UNC13C: variants seen among roughly 807,000 people sequenced by gnomAD.
The protein encoded by UNC13C is protein unc-13 homolog C.
Under a neutral mutation model 245.4 loss-of-function variants are expected in UNC13C, and 174 were observed. That is an observed-to-expected ratio of 0.71 (90% confidence interval 0.63 to 0.80). UNC13C has a LOEUF of 0.80. Ranked by LOEUF, UNC13C falls within the 30% of genes least tolerant of loss-of-function variation. The pLI, the probability that UNC13C is intolerant of heterozygous loss-of-function variation, is 0.00. For missense variants in UNC13C, 2,829 were observed against 2,602.9 expected (o/e 1.09, Z -1.89); for synonymous variants, 992 against 895.1 (o/e 1.11, Z -1.93).
At chr15:54,629,442 T>TAA (rs959755695), downstream of UNC13C, 8 of 152,066 alleles carry the variant, frequency 5.3e-5, no homozygotes, top group African/African-American at 1.9e-4. Context: ...TAAAAGTTTT[T>TAA]AAAAAAAAGT....
intron 2 of UNC13C, among the ~76,000 whole-genome samples, chr15:54,128,296 C>G (rs368741617): frequency 6.6e-6 from 1 of 152,204 alleles, no homozygotes; most frequent in African/African-American, 2.4e-5. Flanking sequence ...TCTATGCTCA[C>G]AGATTGGAAG....
At chr15:54,010,766 C>T (rs1595709196) in intron 1 of UNC13C, among the ~76,000 whole-genome samples, 1 of 152,092 alleles carries the variant, frequency 6.6e-6, no homozygotes, top group East Asian at 1.9e-4. Flanking sequence ...TGAGAAATGA[C>T]AGTGTTCCTT....
chr15:54,050,126 C>A (rs974238683), intron 2 of UNC13C: 8 of 343,750 alleles, frequency 2.3e-5, no homozygotes, highest in Non-Finnish European at 4.0e-5. Context: ...CCCGCCACCA[C>A]GCCCGGCTAT....
chr15:54,551,702 T>A (rs1303484631), intron 28 of UNC13C, among the ~76,000 whole-genome samples: 1 of 152,112 alleles, frequency 6.6e-6, no homozygotes, highest in African/African-American at 2.4e-5. Flanking sequence ...ATAGTCTTTG[T>A]GTCTATTGAT....
intron 19 of UNC13C, among the ~76,000 whole-genome samples, chr15:54,467,175 G>A (rs771099333): frequency 6.6e-5 from 10 of 151,746 alleles, no homozygotes; most frequent in South Asian, 2.1e-4. Flanking sequence ...TGGTTCCTTC[G>A]TTCATGGGGC....
At chr15:54,068,870 C>A (rs974809669) in intron 2 of UNC13C, among the ~76,000 whole-genome samples, 5 of 152,118 alleles carry the variant, frequency 3.3e-5, no homozygotes, top group African/African-American at 1.2e-4. Context: ...GTAATATTGA[C>A]AGGTCACCGT....
chr15:54,152,434 C>T (rs28522138), intron 4 of UNC13C, among the ~76,000 whole-genome samples: 2,712 of 152,230 alleles, frequency 0.018, 82 homozygotes, highest in African/African-American at 0.063. Context: ...TACATTTCAG[C>T]TCTTTATATA....
At chr15:54,217,350 G>A (rs1438434535) in intron 4 of UNC13C, among the ~76,000 whole-genome samples, 1 of 151,932 alleles carries the variant, frequency 6.6e-6, no homozygotes, top group African/African-American at 2.4e-5. Context: ...CCAAGGATCA[G>A]TAGAGGAAAG....
Position 54,627,762 on chromosome 15 carries a change from A to AACTT in UNC13C, c.*650_*653dup, listed in dbSNP as rs1312545966. 1 of 152,594 alleles carries AACTT rather than the reference A, an allele frequency of 6.6e-6. No individual in the cohort carries two copies. The highest frequency in any genetic ancestry group is 1.5e-5 in the Non-Finnish European group (1 of 68,018). 9.5% of individuals were successfully genotyped at this position (152,594 alleles called of 1,614,324 possible). A position where few individuals can be genotyped will look rare whatever the true frequency, so the allele number is the denominator to read the frequency against. ...AACAATGTTTGATATATATTGACAA[A>AACTT]ACTTTGTTCTCTAAAACTGCCAAGA... is the stretch of plus-strand genomic sequence containing the variant. On this transcript the variant is annotated 3_prime_UTR_variant, in exon 33 of 33. Transcript: ENST00000260323.
chr15:54,141,933 A>G lies in UNC13C; in HGVS notation c.2984-1085A>G, dbSNP rs532731520. ...TTTCAGATTTTCATCTGTAAGGGTC[A>G]TCATTGAGCTACATGACCTTGGACA... On this transcript the variant is annotated intron_variant, in intron 2 of 32. Transcript: ENST00000260323. Among the ~76,000 whole-genome samples the G allele has an allele frequency of 4.7e-4, 72 of 152,274 alleles. 1 individual carries two copies. Among genetic ancestry groups the G allele is most frequent in the African/African-American group, 1.7e-3 (71 of 41,572 alleles).
At chr15:53,965,672 C>T in the UNC13C span, among the ~76,000 whole-genome samples, 8 of 151,798 alleles carry the variant, frequency 5.3e-5, no homozygotes. Context: ...CCCACTAACT[C>T]GTCATCTAGC....
chr15:54,438,619 T>A (rs940605406), intron 19 of UNC13C, among the ~76,000 whole-genome samples: 1 of 151,974 alleles, frequency 6.6e-6, no homozygotes, highest in Admixed American at 6.6e-5. Context: ...ATTTCTCTAA[T>A]TTGTTATCTA....
chr15:54,469,920 G>A (rs1043942005), intron 19 of UNC13C, among the ~76,000 whole-genome samples: 4 of 151,398 alleles, frequency 2.6e-5, no homozygotes, highest in African/African-American at 9.7e-5. Flanking sequence ...ACTCTATTGA[G>A]GAATATTCCT....
chr15:54,387,544 G>C (rs926233992), intron 17 of UNC13C, among the ~76,000 whole-genome samples: 2 of 151,992 alleles, frequency 1.3e-5, no homozygotes, highest in African/African-American at 4.8e-5. Context: ...TGATCAGTGG[G>C]ATCATAACCC....
At chr15:54,266,207 T>C (rs1261265451) in intron 10 of UNC13C, among the ~76,000 whole-genome samples, 1 of 151,940 alleles carries the variant, frequency 6.6e-6, no homozygotes, top group Non-Finnish European at 1.5e-5. Flanking sequence ...ACCCAGAACA[T>C]ATAGCTTATT....
At position 54,173,785 on chromosome 15, in the gene UNC13C, T is replaced by C. The variant is rs1440972893; in HGVS notation, c.3071+30101T>C. 3.3e-5 allele frequency among the ~76,000 whole-genome samples: 5 copies of C among 152,230 alleles called. No individual in the cohort carries two copies. In the East Asian group the frequency reaches 7.7e-4, roughly 23 times the overall value. ...GATGACAATGGACATCCTTGCTTTG[T>C]TCTTAATTTTAAGCAGAAGCATTCA... On this transcript the variant is annotated intron_variant, in intron 4 of 32. Coordinates refer to ENST00000260323, the MANE Select transcript of UNC13C (RefSeq NM_001080534.3).
chr15:54,397,927 A>G (rs2040104743), intron 18 of UNC13C, among the ~76,000 whole-genome samples: 1 of 151,212 alleles, frequency 6.6e-6, no homozygotes, highest in Admixed American at 6.6e-5. Context: ...TTTCTTTCCA[A>G]TTTAGATGTA....
intron 17 of UNC13C, among the ~76,000 whole-genome samples, chr15:54,382,156 T>C (rs2039739322): frequency 6.6e-6 from 1 of 152,124 alleles, no homozygotes; most frequent in Non-Finnish European, 1.5e-5. Context: ...ATTGGATCAA[T>C]AGGAAAATTA....
intron 1 of UNC13C, among the ~76,000 whole-genome samples, chr15:54,010,977 C>T (rs1359451908): frequency 6.6e-6 from 1 of 151,966 alleles, no homozygotes; most frequent in African/African-American, 2.4e-5. Flanking sequence ...TGAAATGTGG[C>T]CAATTCTTCG....
Sources: allele counts gnomAD v4.1 joint callset (sites outside exome capture counted in the v4.1 genomes callset), GRCh38; gene constraint gnomAD v4.1.1; transcripts MANE v1.5; gene names NCBI Gene and HGNC (gene_info 2026-07-23, HGNC 2026-07-21).